The following PDE4D variants were observed in gnomAD, a reference collection of about 807,000 sequenced individuals.
PDE4D encodes the protein phosphodiesterase 4D, also known as 3',5'-cyclic-AMP phosphodiesterase 4D.
A neutral mutation model predicts 87.4 loss-of-function variants in PDE4D; 24 were observed. That is an observed-to-expected ratio of 0.27 (90% CI 0.20 to 0.39). The LOEUF is 0.39. Ranked by LOEUF, PDE4D falls within the 10% of genes least tolerant of loss-of-function variation. The pLI is 1.00. For missense variants in PDE4D, 714 were observed against 1,041.0 expected (o/e 0.69, Z 4.32); for synonymous variants, 384 against 383.2 (o/e 1.00, Z -0.02).
At chr5:59,874,232 G>A (rs1748227373) in intron 1 of PDE4D, among the ~76,000 whole-genome samples, 1 of 152,090 alleles carries the variant, frequency 6.6e-6, no homozygotes, top group Admixed American at 6.6e-5. Context: ...TAGAGTTGGT[G>A]AGTCCAGTGA....
chr5:60,230,088 T>A (rs1745620706), intron 1 of PDE4D, among the ~76,000 whole-genome samples: 1 of 152,118 alleles, frequency 6.6e-6, no homozygotes, highest in Non-Finnish European at 1.5e-5. Context: ...AACAAGCATC[T>A]GGGAGGCTGT....
At chr5:58,996,156 G>A (rs10056492) in intron 6 of PDE4D, among the ~76,000 whole-genome samples, 15,336 of 152,094 alleles carry the variant, frequency 0.1, 1,035 homozygotes, top group Non-Finnish European at 0.13. Flanking sequence ...GGAGGGGAAG[G>A]ACAGCATTAG....
intron 1 of PDE4D, among the ~76,000 whole-genome samples, chr5:60,291,977 C>T (rs1252026793): frequency 2.6e-5 from 4 of 151,960 alleles, no homozygotes; most frequent in Admixed American, 2.6e-4. Context: ...AATAGAGACA[C>T]ATTATACAGA....
chr5:59,751,245 C>T (rs941312788), intron 1 of PDE4D, among the ~76,000 whole-genome samples: 2 of 152,094 alleles, frequency 1.3e-5, no homozygotes, highest in African/African-American at 2.4e-5. Flanking sequence ...ACAGTCCTCA[C>T]GTAAATAATG....
At chr5:59,282,680 C>T (rs1315610235) in intron 1 of PDE4D, among the ~76,000 whole-genome samples, 1 of 144,044 alleles carries the variant, frequency 6.9e-6, no homozygotes, top group African/African-American at 2.6e-5. Flanking sequence ...ATGTGAAAAG[C>T]AGCCTGTCAA....
At chr5:59,264,327 G>A (rs1476515010) in intron 1 of PDE4D, among the ~76,000 whole-genome samples, 1 of 152,032 alleles carries the variant, frequency 6.6e-6, no homozygotes, top group Non-Finnish European at 1.5e-5. Flanking sequence ...TTTAAACAAT[G>A]CAGACTGTCT....
intron 1 of PDE4D, among the ~76,000 whole-genome samples, chr5:60,352,809 T>A (rs2149930858): frequency 6.6e-6 from 1 of 152,306 alleles, no homozygotes; most frequent in Middle Eastern, 3.4e-3. Context: ...ATGGAGTACG[T>A]GTAAATATTC....
chr5:59,163,252 G>T (rs6450506), intron 5 of PDE4D, among the ~76,000 whole-genome samples: 112,548 of 150,468 alleles, frequency 0.75, 42,528 homozygotes, highest in African/African-American at 0.84. Flanking sequence ...CTGGCCAATC[G>T]AATTGATTTT....
intron 1 of PDE4D, chr5:60,521,898 G>A (rs1002327599): frequency 6.6e-6 from 1 of 150,634 alleles, no homozygotes; most frequent in African/African-American, 2.5e-5. Flanking sequence ...TGAGTCCTTG[G>A]AACCCTGCAC....
chr5:60,512,245 T>A (rs976477391), intron 1 of PDE4D, among the ~76,000 whole-genome samples: 1 of 152,208 alleles, frequency 6.6e-6, no homozygotes, highest in Non-Finnish European at 1.5e-5. Flanking sequence ...TTTTGCATTA[T>A]TTTTAACATA....
intron 1 of PDE4D, among the ~76,000 whole-genome samples, chr5:59,683,151 C>A (rs187478709): frequency 6.6e-6 from 1 of 152,062 alleles, no homozygotes; most frequent in Non-Finnish European, 1.5e-5. Flanking sequence ...TATTTAGAAG[C>A]AAAGGAGTAT....
intron 1 of PDE4D, among the ~76,000 whole-genome samples, chr5:59,280,201 C>T (rs1765566294): frequency 6.6e-6 from 1 of 151,944 alleles, no homozygotes; most frequent in South Asian, 2.1e-4. Context: ...TTCCTGTTAC[C>T]TATGCAACAG....
At chr5:59,744,660 G>A (rs1222695686) in intron 1 of PDE4D, among the ~76,000 whole-genome samples, 1 of 152,158 alleles carries the variant, frequency 6.6e-6, no homozygotes, top group African/African-American at 2.4e-5. Context: ...TGAGAATCCT[G>A]CTGGTTGTCA....
rs184593193 is a variant in PDE4D at position 60,144,826 on chromosome 5, A to G, written c.42+40731T>C. On this transcript the variant is annotated intron_variant, in intron 2 of 16. Transcript: ENST00000502484. ...TACAACATGGCACCAATTGCCATCC[A>G]GTGCACATAACAGGTATTCAACAAA... Among the ~76,000 whole-genome samples, 43 of 152,302 alleles carry G rather than the reference A, an allele frequency of 2.8e-4. No individual in the cohort carries two copies. The East Asian group carries it at 7.5e-3, about 27-fold the overall frequency.
chr5:59,363,974 A>T, intron 1 of PDE4D, among the ~76,000 whole-genome samples: 1 of 152,202 alleles, frequency 6.6e-6, no homozygotes, highest in East Asian at 1.9e-4. Flanking sequence ...TGAATATTCT[A>T]CATAGGAGAA....
intron 2 of PDE4D, among the ~76,000 whole-genome samples, chr5:60,017,259 T>C (rs1187803620): frequency 1.3e-5 from 2 of 152,190 alleles, no homozygotes; most frequent in South Asian, 2.1e-4. Context: ...GTTCCATTTA[T>C]AGAGCACAAA....
At chr5:60,512,390 G>T (rs1234446194) in intron 1 of PDE4D, among the ~76,000 whole-genome samples, 1 of 151,926 alleles carries the variant, frequency 6.6e-6, no homozygotes, top group Non-Finnish European at 1.5e-5. Context: ...GTAAAACAAA[G>T]GTCTCTATTT....
intron 1 of PDE4D, among the ~76,000 whole-genome samples, chr5:60,406,684 T>C (rs909715127): frequency 1.4e-4 from 21 of 152,194 alleles, no homozygotes; most frequent in Non-Finnish European, 2.9e-5. Flanking sequence ...CAATTGTGTT[T>C]CTTTATTTTA....
At chr5:59,087,085 T>C (rs1767832814) in intron 5 of PDE4D, among the ~76,000 whole-genome samples, 1 of 152,174 alleles carries the variant, frequency 6.6e-6, no homozygotes, top group South Asian at 2.1e-4. Flanking sequence ...TTTTCTTCAG[T>C]TGATTATGTA....
Sources: allele counts gnomAD v4.1 joint callset (sites outside exome capture counted in the v4.1 genomes callset), GRCh38; gene constraint gnomAD v4.1.1; transcripts MANE v1.5; gene names NCBI Gene and HGNC (gene_info 2026-07-23, HGNC 2026-07-21).